Variants in PRDM11 observed in about 807,000 individuals in gnomAD.
PRDM11 encodes PR domain-containing protein 11.
In PRDM11, 20 loss-of-function variants were observed where a neutral mutation model predicts 97.8. The observed-to-expected ratio is 0.20, with a 90% confidence interval of 0.14 to 0.30. The LOEUF (loss-of-function observed/expected upper bound fraction) is 0.30, where lower values mean the gene tolerates loss of function less well. PRDM11 is among the 10% of genes least tolerant of loss of function. PRDM11 has a pLI of 1.00. For missense variants in PRDM11, 1,139 were observed against 1,555.2 expected (o/e 0.73, Z 4.50); for synonymous variants, 599 against 637.7 (o/e 0.94, Z 0.91).
At chr11:45,178,832 C>A (rs1241859824) in intron 1 of PRDM11, among the ~76,000 whole-genome samples, 2 of 152,204 alleles carry the variant, frequency 1.3e-5, no homozygotes, top group African/African-American at 4.8e-5. Context: ...GGCCCTGGTG[C>A]CAGGCACTGT....
chr11:45,225,104 G>T, intron 7 of PRDM11: 1 of 1,430,398 alleles, frequency 7.0e-7, no homozygotes, highest in Non-Finnish European at 9.1e-7. Context: ...GGTGTGTGCT[G>T]TGTTCTTGAC....
Position 45,132,020 on chromosome 11 carries a change from T to C in PRDM11, c.96+36119T>C, listed in dbSNP as rs76614318. Reference sequence around the variant, plus strand: ...AAGCTGAGCAACAGAAAGAGGACCATCATCTTCTGTGGACCTCTAAGAGCA... The same window carrying C: ...AAGCTGAGCAACAGAAAGAGGACCACCATCTTCTGTGGACCTCTAAGAGCA... On this transcript the variant is annotated intron_variant, in intron 1 of 6. Coordinates refer to the PRDM11 transcript ENST00000530656. Among the ~76,000 whole-genome samples the C allele has an allele frequency of 2.5e-3, 388 of 152,306 alleles. 4 individuals carry two copies. The East Asian group carries it at 0.027, about 10-fold the overall frequency.
chr11:45,227,503 A>G lies in PRDM11; in HGVS notation c.2878A>G (p.Arg960Gly). Residue 960 changes from arginine (R) to glycine (G), a missense_variant, in exon 8 of 8, where the codon AGG becomes GGG. Arg to Gly is a moderately radical substitution (Grantham distance 125). Around this residue, in one of 2 missense-constraint regions of PRDM11, gnomAD observed 710 missense variants for 1,044.9 expected, o/e 0.68. Coordinates refer to ENST00000683152, the MANE Select transcript of PRDM11 (RefSeq NM_001384648.1). This position sits in a 1 kb window ranked among gnomAD's most constrained non-coding sequence, Gnocchi z 8.0. ...GGCTGAAGCCAAGTTCCAGTCCATC[A>G]GGGAGAAGATCTGCCAGAAGACCCA... ...RVAEAKFQSIREKICQKTQVI... is the reference protein window; with the variant it reads ...RVAEAKFQSIGEKICQKTQVI... 1 of 1,533,872 alleles carries G rather than the reference A, an allele frequency of 6.5e-7. No homozygotes were observed. The highest frequency in any genetic ancestry group is 8.7e-7 in the Non-Finnish European group (1 of 1,146,724).
chr11:45,183,266 C>A (rs1565299571), intron 4 of PRDM11, 143 bp downstream of exon 4: 3 of 1,204,208 alleles, frequency 2.5e-6, no homozygotes, highest in Non-Finnish European at 3.4e-6. Context: ...TCTTGCTGTC[C>A]CCTGGCCCCG....
chr11:45,198,742 A>G (rs1336706684), intron 4 of PRDM11, among the ~76,000 whole-genome samples: 1 of 152,238 alleles, frequency 6.6e-6, no homozygotes, highest in Non-Finnish European at 1.5e-5. Flanking sequence ...AGAGGGGCCC[A>G]GAAGAGTCCT....
At chr11:45,209,445 C>T in intron 5 of PRDM11, 2 of 309,280 alleles carry the variant, frequency 6.5e-6, no homozygotes, top group South Asian at 5.6e-5. Flanking sequence ...TCCCACTCTT[C>T]TCCTCTCCAT....
intron 1 of PRDM11, among the ~76,000 whole-genome samples, chr11:45,100,471 G>T (rs1404251015): frequency 6.6e-6 from 1 of 152,188 alleles, no homozygotes. Context: ...CTGATTGGCA[G>T]CCCTGAACTC....
At position 45,231,894 on chromosome 11, in the gene PRDM11, T is replaced by G. The variant is rs1035759048; in HGVS notation, c.*3735T>G. On this transcript the variant is annotated 3_prime_UTR_variant, in exon 8 of 8. Transcript: ENST00000683152. ...ACTGGCCTATGACACCTTGTGATGC[T>G]AGGCACATCCTCATTTCCCCATCCT... 4 of 152,100 alleles carry G rather than the reference T, an allele frequency of 2.6e-5. No individual in the cohort carries two copies. The highest frequency in any genetic ancestry group is 9.7e-5 in the African/African-American group (4 of 41,418). The allele number at this position is 152,100 out of a possible 1,614,324, so 9.4% of individuals were successfully genotyped here.
chr11:45,209,387 C>T, intron 5 of PRDM11: 1 of 343,080 alleles, frequency 2.9e-6, no homozygotes, highest in South Asian at 2.2e-5. Context: ...CTCTGGTTCT[C>T]TCCTGTCCCT....
chr11:45,170,537 C>T (rs1421045821), intron 1 of PRDM11, among the ~76,000 whole-genome samples: 2 of 152,066 alleles, frequency 1.3e-5, no homozygotes, highest in Non-Finnish European at 2.9e-5. Flanking sequence ...ATGTTGGAGG[C>T]AGAGCAGGGC....
rs115626253 is a variant in PRDM11, at chr11:45,175,306, C to T, written c.-6-6455C>T. Among the ~76,000 whole-genome samples the T allele has an allele frequency of 6.8e-3, 1,041 of 152,322 alleles. 10 individuals are homozygous for T. The highest frequency in any genetic ancestry group is 0.022 in the African/African-American group (915 of 41,560). ...TTCCACCTATTTGTTCCTCTCTCCC[C>T]GCAACCCCTGCCAACCTCTGATCTT... On this transcript the variant is annotated intron_variant, in intron 1 of 7. Transcript: ENST00000683152.
intron 1 of PRDM11, among the ~76,000 whole-genome samples, chr11:45,156,449 C>T (rs1320596326): frequency 6.6e-6 from 1 of 152,194 alleles, no homozygotes; most frequent in Non-Finnish European, 1.5e-5. Context: ...AGCACAGTGG[C>T]TCTGCCAGGC....
chr11:45,130,188 C>T (rs1852686910), intron 1 of PRDM11, among the ~76,000 whole-genome samples: 1 of 152,000 alleles, frequency 6.6e-6, no homozygotes, highest in South Asian at 2.1e-4. Flanking sequence ...AAAGAAAATA[C>T]AGAATCATAT....
chr11:45,150,253 A>G (rs1176265684), intron 1 of PRDM11, among the ~76,000 whole-genome samples: 1 of 152,028 alleles, frequency 6.6e-6, no homozygotes, highest in African/African-American at 2.4e-5. Flanking sequence ...GCCCTCCCTG[A>G]TTAGGCTGAA....
At position 45,101,567 on chromosome 11, in the gene PRDM11, A is replaced by AAAAAAAAAAAG. The variant is rs767802218; in HGVS notation, c.96+5668_96+5669insAAAAAAAAGAA. Among the ~76,000 whole-genome samples the AAAAAAAAAAAG allele has an allele frequency of 9.6e-4, 93 of 96,860 alleles. 1 individual carries two copies. Among genetic ancestry groups the AAAAAAAAAAAG allele is most frequent in the Non-Finnish European group, 1.4e-3 (68 of 46,916 alleles). 63.5% of individuals were successfully genotyped at this position (96,860 alleles called of 152,430 possible). A position where few individuals can be genotyped will look rare whatever the true frequency, so the allele number is the denominator to read the frequency against. On this transcript the variant is annotated intron_variant, in intron 1 of 6. Coordinates refer to the PRDM11 transcript ENST00000530656. ...CAACACTCTGTCTCAAAAAAAAAAA[A>AAAAAAAAAAAG]AAGAAGAAGAAGAAGAAGAAGAAGA...
At chr11:45,213,553 C>G in intron 5 of PRDM11, 1 of 456,530 alleles carries the variant, frequency 2.2e-6, no homozygotes, top group South Asian at 1.5e-5. Context: ...TCCGCTTGCC[C>G]TTGTGCGCGT....
At chr11:45,112,144 T>C (rs1852195894) in intron 1 of PRDM11, among the ~76,000 whole-genome samples, 1 of 152,210 alleles carries the variant, frequency 6.6e-6, no homozygotes. Context: ...ATCATTCTAA[T>C]GCCTTTGCAT....
intron 1 of PRDM11, among the ~76,000 whole-genome samples, chr11:45,127,609 C>G (rs912840301): frequency 3.0e-4 from 45 of 152,278 alleles, no homozygotes; most frequent in African/African-American, 6.3e-4. Flanking sequence ...TACTCCAGAC[C>G]CTGTTTGCCT....
At chr11:45,125,143 T>C (rs1852535116) in intron 1 of PRDM11, among the ~76,000 whole-genome samples, 1 of 152,096 alleles carries the variant, frequency 6.6e-6, no homozygotes. Flanking sequence ...GTTTGTAGTA[T>C]TCTCTGATGG....
Sources: gnomAD v4.1 joint callset for allele counts (sites outside exome capture counted in the v4.1 genomes callset) on GRCh38, gnomAD v4.1.1 for gene constraint, gnomAD v4.1.1 regional missense constraint, Gnocchi (gnomAD v3.1) non-coding constraint, MANE v1.5 for transcripts, NCBI Gene and HGNC (gene_info 2026-07-23, HGNC 2026-07-21) for gene names.